Variants in PTPRG observed in about 807,000 individuals in gnomAD.
PTPRG encodes receptor-type tyrosine-protein phosphatase gamma.
In PTPRG, 102 loss-of-function variants were observed where a neutral mutation model predicts 165.3. That is an observed-to-expected ratio of 0.62 (90% CI 0.53 to 0.73). The LOEUF (loss-of-function observed/expected upper bound fraction) is 0.73. PTPRG is among the 30% of genes least tolerant of loss of function. The probability of loss-of-function intolerance (pLI) is 0.00; values close to 1 mark genes in which losing one functional copy is unlikely to be tolerated. For missense variants in PTPRG, 1,866 were observed against 1,861.4 expected, an observed-to-expected ratio of 1.00 and a Z score of -0.05; for synonymous variants, 675 against 669.5, an observed-to-expected ratio of 1.01 and a Z score of -0.13.
chr3:61,683,766 T>C (rs1703528429), intron 1 of PTPRG, among the ~76,000 whole-genome samples: 1 of 152,242 alleles, frequency 6.6e-6, no homozygotes, highest in Non-Finnish European at 1.5e-5. Context: ...GGTGAAAGAC[T>C]TGAGGCTACA....
chr3:61,718,934 G>A (rs985036055), intron 1 of PTPRG, among the ~76,000 whole-genome samples: 1 of 151,998 alleles, frequency 6.6e-6, no homozygotes. Flanking sequence ...ATAAACAATC[G>A]ACATTGAATT....
At chr3:62,118,080 G>T (rs1175068928) in intron 5 of PTPRG, among the ~76,000 whole-genome samples, 1 of 152,180 alleles carries the variant, frequency 6.6e-6, no homozygotes, top group Non-Finnish European at 1.5e-5. Flanking sequence ...CCCTAAGAGG[G>T]AAGTATTATT....
chr3:61,745,594 A>T (rs2033166378), intron 1 of PTPRG, among the ~76,000 whole-genome samples: 1 of 152,206 alleles, frequency 6.6e-6, no homozygotes, highest in African/African-American at 2.4e-5. Context: ...CCTTCTTGGG[A>T]TGGCCCTGTC....
intron 4 of PTPRG, among the ~76,000 whole-genome samples, chr3:62,038,536 C>T (rs1700023115): frequency 6.6e-6 from 1 of 152,140 alleles, no homozygotes; most frequent in African/African-American, 2.4e-5. Context: ...TAGCTGGGGC[C>T]ATAGGCCCAT....
chr3:61,988,226 A>G (rs2040806834), intron 2 of PTPRG, among the ~76,000 whole-genome samples: 1 of 152,228 alleles, frequency 6.6e-6, no homozygotes, highest in Admixed American at 6.5e-5. Context: ...GGTATTTTCC[A>G]GATAGCAAAA....
At chr3:61,975,619 G>T (rs756596399) in intron 2 of PTPRG, among the ~76,000 whole-genome samples, 25 of 151,886 alleles carry the variant, frequency 1.6e-4, no homozygotes, top group Non-Finnish European at 3.2e-4. Flanking sequence ...AAATGAAACT[G>T]TGTTTCACTT....
intron 1 of PTPRG, among the ~76,000 whole-genome samples, chr3:61,704,771 T>G (rs763093716): frequency 2.6e-5 from 4 of 152,218 alleles, no homozygotes; most frequent in Non-Finnish European, 4.4e-5. Context: ...AAGGTCTGTT[T>G]GTTCCCATTC....
chr3:61,651,728 AGCCAGGTGTGGTG>A (rs1702359064), intron 1 of PTPRG, among the ~76,000 whole-genome samples: 1 of 152,192 alleles, frequency 6.6e-6, no homozygotes, highest in Admixed American at 6.5e-5. Flanking sequence ...AGAATCAAAT[AGCCAGGTGTGGTG>A]GCTCACGCCT....
intron 2 of PTPRG, among the ~76,000 whole-genome samples, chr3:61,793,539 T>A (rs1049320015): frequency 6.6e-6 from 1 of 152,212 alleles, no homozygotes; most frequent in African/African-American, 2.4e-5. Flanking sequence ...TTAAACTTTT[T>A]AATTATTTGA....
In PTPRG at chr3:62,271,932, TTAAAAA is replaced by T. The variant is rs775877837; in HGVS notation, c.3182+384_3182+389del. Among the ~76,000 whole-genome samples the T allele has an allele frequency of 6.6e-6, 1 of 151,640 alleles. No individual in the cohort carries two copies. The highest frequency in any genetic ancestry group is 1.5e-5 in the Non-Finnish European group (1 of 67,878). On this transcript the variant is annotated intron_variant, in intron 21 of 29. Coordinates refer to ENST00000474889, the MANE Select transcript of PTPRG (RefSeq NM_002841.4). The surrounding 1 kb of genome is among the most constrained non-coding windows in gnomAD (Gnocchi z 4.1). ...AAGTGACACCCCATTTCTACAAAAATTAAAAATAAAAAAATTAGCCAGCATGGTGGC... is the reference window on the plus strand; with the variant it reads ...AAGTGACACCCCATTTCTACAAAAATTAAAAAAATTAGCCAGCATGGTGGC...
chr3:62,136,354 C>T (rs1703709116), intron 6 of PTPRG, among the ~76,000 whole-genome samples: 1 of 152,128 alleles, frequency 6.6e-6, no homozygotes. Flanking sequence ...TGGCTCAAAC[C>T]AAGTGAACAT....
rs191887087 is a variant in PTPRG, at chr3:62,159,458, A to T, written c.840+2234A>T. On this transcript the variant is annotated intron_variant, in intron 7 of 29. Transcript: ENST00000474889. ...CTGGAGAGAAATAAGGACCATTAACATATGCTGGGTTTCATTATAGCTCCA... is the reference window on the plus strand; with the variant it reads ...CTGGAGAGAAATAAGGACCATTAACTTATGCTGGGTTTCATTATAGCTCCA... Among the ~76,000 whole-genome samples the T allele has an allele frequency of 8.1e-4, 123 of 152,328 alleles. 1 individual carries two copies. Among genetic ancestry groups the T allele is most frequent in the Non-Finnish European group, 1.6e-3 (108 of 68,022 alleles).
At chr3:61,736,248 G>A (rs1158169210) in intron 1 of PTPRG, among the ~76,000 whole-genome samples, 1 of 151,076 alleles carries the variant, frequency 6.6e-6, no homozygotes, top group Non-Finnish European at 1.5e-5. Context: ...ACTGACATAA[G>A]GTTCCTCTGA....
intron 2 of PTPRG, among the ~76,000 whole-genome samples, chr3:61,751,772 C>T (rs1443381459): frequency 3.9e-5 from 6 of 152,026 alleles, no homozygotes; most frequent in Non-Finnish European, 5.9e-5. Context: ...GGGCGGATCG[C>T]GAGGTCAGGA....
intron 1 of PTPRG, among the ~76,000 whole-genome samples, chr3:61,567,123 C>A (rs1383877280): frequency 6.6e-6 from 1 of 152,154 alleles, no homozygotes; most frequent in African/African-American, 2.4e-5. Context: ...GTGGTGGTCA[C>A]TGAAACTGTT....
chr3:61,688,683 G>C (rs141009003), intron 1 of PTPRG, among the ~76,000 whole-genome samples: 2 of 152,194 alleles, frequency 1.3e-5, no homozygotes, highest in Admixed American at 1.3e-4. Flanking sequence ...AGGACTTAAC[G>C]CTTATGTTTG....
chr3:62,044,791 T>G (rs1700237844), intron 4 of PTPRG, among the ~76,000 whole-genome samples: 1 of 152,216 alleles, frequency 6.6e-6, no homozygotes, highest in African/African-American at 2.4e-5. Flanking sequence ...AAGCTTCCTC[T>G]TTTCACCCAT....
intron 1 of PTPRG, among the ~76,000 whole-genome samples, chr3:61,680,743 G>GCTTTTTAGT (rs766786219): frequency 2.2e-5 from 3 of 138,828 alleles, no homozygotes; most frequent in Admixed American, 7.3e-5. Flanking sequence ...TATCAGGTGT[G>GCTTTTTAGT]GTACAGGTTG....
At chr3:61,903,035 T>A (rs1472313895) in intron 2 of PTPRG, among the ~76,000 whole-genome samples, 1 of 152,162 alleles carries the variant, frequency 6.6e-6, no homozygotes, top group African/African-American at 2.4e-5. Context: ...CCTGCCAAAC[T>A]CCTTCCAGTC....
Sources: gnomAD v4.1 joint callset for allele counts (sites outside exome capture counted in the v4.1 genomes callset) on GRCh38, gnomAD v4.1.1 for gene constraint, Gnocchi (gnomAD v3.1) non-coding constraint, MANE v1.5 for transcripts, NCBI Gene and HGNC (gene_info 2026-07-23, HGNC 2026-07-21) for gene names.